Variants in NRG3 observed in about 807,000 individuals in gnomAD.
NRG3 encodes pro-neuregulin-3, membrane-bound isoform.
NRG3 carries 31 observed loss-of-function variants against 66.9 expected under a neutral mutation model. The observed-to-expected ratio is 0.46, with a 90% CI of 0.35 to 0.63. The LOEUF (loss-of-function observed/expected upper bound fraction) is 0.63. Ranked by LOEUF, NRG3 falls within the 20% of genes least tolerant of loss-of-function variation. NRG3 has a pLI of 0.00. For missense variants in NRG3, 910 were observed against 878.9 expected (o/e 1.04, Z -0.45); for synonymous variants, 393 against 359.4 (o/e 1.09, Z -1.06).
At chr10:82,881,067 G>T (rs1842258380) in intron 4 of NRG3, among the ~76,000 whole-genome samples, 1 of 152,180 alleles carries the variant, frequency 6.6e-6, no homozygotes, top group Non-Finnish European at 1.5e-5. Flanking sequence ...AGCTCTGCTT[G>T]TTACACGATG....
At chr10:82,635,291 T>A (rs1037724148) in intron 2 of NRG3, among the ~76,000 whole-genome samples, 2 of 152,154 alleles carry the variant, frequency 1.3e-5, no homozygotes, top group Non-Finnish European at 2.9e-5. Context: ...ATTTGAAAGG[T>A]TCTCTCCCCA....
chr10:82,973,959 T>C (rs760435923), intron 7 of NRG3, 44 bp downstream of exon 7: 1 of 1,609,088 alleles, frequency 6.2e-7, no homozygotes, highest in Admixed American at 1.7e-5. Context: ...CTTCACACTG[T>C]GTGTATGCTG....
intron 3 of NRG3, among the ~76,000 whole-genome samples, chr10:82,814,238 T>G (rs2061613733): frequency 6.6e-6 from 1 of 152,224 alleles, no homozygotes; most frequent in Admixed American, 6.5e-5. Flanking sequence ...ACTATTTGTA[T>G]ACACTATTGA....
chr10:82,086,563 G>A (rs1260476227), intron 1 of NRG3, among the ~76,000 whole-genome samples: 1 of 152,044 alleles, frequency 6.6e-6, no homozygotes, highest in African/African-American at 2.4e-5. Context: ...TCTGGGTCTT[G>A]AACCAGTATA....
At chr10:81,922,492 A>G (rs1236906554) in intron 1 of NRG3, among the ~76,000 whole-genome samples, 1 of 152,196 alleles carries the variant, frequency 6.6e-6, no homozygotes, top group Non-Finnish European at 1.5e-5. Flanking sequence ...TCCTACTTAT[A>G]GTGTGAACAT....
intron 5 of NRG3, among the ~76,000 whole-genome samples, chr10:82,953,765 C>T (rs1849751897): frequency 6.6e-6 from 1 of 151,742 alleles, no homozygotes; most frequent in Non-Finnish European, 1.5e-5. Flanking sequence ...TGAGACCAGC[C>T]TGGCCAACAT....
At chr10:82,422,820 G>T (rs2089176232) in intron 2 of NRG3, among the ~76,000 whole-genome samples, 1 of 151,958 alleles carries the variant, frequency 6.6e-6, no homozygotes, top group African/African-American at 2.4e-5. Context: ...CTAAAAATGG[G>T]AGATTTGCTG....
intron 1 of NRG3, among the ~76,000 whole-genome samples, chr10:82,096,183 A>G (rs1411858129): frequency 6.6e-6 from 1 of 152,198 alleles, no homozygotes. Context: ...ATGCTAAAAA[A>G]TACATGAACA....
At chr10:82,843,995 C>T (rs2063187915) in intron 3 of NRG3, among the ~76,000 whole-genome samples, 1 of 152,054 alleles carries the variant, frequency 6.6e-6, no homozygotes. Flanking sequence ...AAACCTCCAA[C>T]ATATCATTTG....
chr10:81,969,256 CAT>C (rs1367784204), intron 1 of NRG3, among the ~76,000 whole-genome samples: 1 of 152,070 alleles, frequency 6.6e-6, no homozygotes, highest in Non-Finnish European at 1.5e-5. Context: ...AGGCCTGAAA[CAT>C]AGAAGGAACC....
At chr10:82,022,773 AAC>A (rs1408319645) in intron 1 of NRG3, among the ~76,000 whole-genome samples, 1 of 152,074 alleles carries the variant, frequency 6.6e-6, no homozygotes, top group African/African-American at 2.4e-5. Context: ...AAGTGGAAAA[AAC>A]ACACTGAGTT....
In NRG3 at chr10:82,073,882, G is replaced by A. The variant is rs1038554394; in HGVS notation, c.823+197719G>A. On this transcript the variant is annotated intron_variant, in intron 1 of 8. Transcript: ENST00000372141. Reference sequence around the variant, plus strand: ...AATTTTATGAAACATTTACTCCTACGTCAGACATGGTTTTAGAATTAGAGA... The same window carrying A: ...AATTTTATGAAACATTTACTCCTACATCAGACATGGTTTTAGAATTAGAGA... Among the ~76,000 whole-genome samples, 5 of 152,056 alleles carry A rather than the reference G, an allele frequency of 3.3e-5. No homozygotes were observed. In the South Asian group the frequency reaches 6.2e-4, roughly 19 times the overall value.
intron 3 of NRG3, among the ~76,000 whole-genome samples, chr10:82,761,972 C>CTTTCT (rs1334838395): frequency 1.7e-5 from 1 of 59,188 alleles, no homozygotes; most frequent in African/African-American, 6.3e-5. Context: ...TTCTTTCTTT[C>CTTTCT]TTTTCTTTCT....
chr10:82,604,398 G>A (rs970731524), intron 2 of NRG3, among the ~76,000 whole-genome samples: 9 of 151,848 alleles, frequency 5.9e-5, no homozygotes, highest in Non-Finnish European at 8.8e-5. Flanking sequence ...ATAATATTCC[G>A]TCGCATAAAT....
chr10:82,299,482 C>T (rs987387454), intron 1 of NRG3, among the ~76,000 whole-genome samples: 5 of 151,600 alleles, frequency 3.3e-5, no homozygotes, highest in African/African-American at 7.3e-5. Context: ...ACAAAATCCA[C>T]GAGCCATAGC....
At chr10:82,150,461 T>G (rs967084279) in intron 1 of NRG3, among the ~76,000 whole-genome samples, 1 of 148,190 alleles carries the variant, frequency 6.7e-6, no homozygotes, top group African/African-American at 2.5e-5. Flanking sequence ...TTTCATTGGT[T>G]TGTTTGTTTA....
chr10:82,824,766 T>C (rs1564538341), intron 3 of NRG3, among the ~76,000 whole-genome samples: 1 of 151,760 alleles, frequency 6.6e-6, no homozygotes, highest in Non-Finnish European at 1.5e-5. Context: ...ACCCAGGCTT[T>C]AGTGTAGTGG....
At chr10:82,152,822 T>TTCTTTC (rs1302425424) in intron 1 of NRG3, among the ~76,000 whole-genome samples, 3 of 149,874 alleles carry the variant, frequency 2.0e-5, no homozygotes, top group Non-Finnish European at 3.0e-5. Context: ...CTCTCTCTTT[T>TTCTTTC]TCTTTCTCTT....
chr10:82,532,453 A>G (rs1360623064), intron 2 of NRG3, among the ~76,000 whole-genome samples: 1 of 149,100 alleles, frequency 6.7e-6, no homozygotes, highest in East Asian at 1.9e-4. Context: ...TATATCTATT[A>G]CTATACAATG....
Sources: allele counts gnomAD v4.1 joint callset (sites outside exome capture counted in the v4.1 genomes callset), GRCh38; gene constraint gnomAD v4.1.1; transcripts MANE v1.5; gene names NCBI Gene and HGNC (gene_info 2026-07-23, HGNC 2026-07-21).